PCDHA3: variants seen among roughly 807,000 people sequenced by gnomAD.
The protein encoded by PCDHA3 is protocadherin alpha 3, also known as protocadherin alpha-3.
In PCDHA3, 41 loss-of-function variants were observed where a neutral mutation model predicts 62.2. The ratio of observed to expected loss-of-function variants is 0.66; its 90% CI spans 0.51 to 0.86. PCDHA3 has a LOEUF of 0.86. Ranked by LOEUF, PCDHA3 falls within the 40% of genes least tolerant of loss-of-function variation. The pLI is 0.00. For synonymous variants in PCDHA3, 640 were observed against 555.4 expected, an observed-to-expected ratio of 1.15 and a Z score of -2.14; for missense variants, 1,304 against 1,241.2, an observed-to-expected ratio of 1.05 and a Z score of -0.76.
At chr5:140,877,205 GCGAGTTGGTACCGCGGT>G in intron 1 of PCDHA3, 1 of 1,613,826 alleles carries the variant, frequency 6.2e-7, no homozygotes, top group Non-Finnish European at 8.5e-7. Flanking sequence ...GGCGCAGTTA[GCGAGTTGGTACCGCGGT>G]CGGTGGGTGC....
At chr5:140,993,460 T>TCCCACACA (rs1554253699) in intron 3 of PCDHA3, among the ~76,000 whole-genome samples, 2 of 104,506 alleles carry the variant, frequency 1.9e-5, no homozygotes, top group African/African-American at 7.8e-5. Flanking sequence ...CTTCTTTCTT[T>TCCCACACA]CTCACACACA....
Position 140,836,428 on chromosome 5 carries a change from C to T in PCDHA3, c.2394+32837C>T, listed in dbSNP as rs2150260814. ...CAGGCACCAAAGGCGTCGTCGCGGG[C>T]ATCGTTGGGCATTGCAGGCCCAGAG... On this transcript the variant is annotated intron_variant, in intron 1 of 3. Transcript: ENST00000522353. 1.5e-5 allele frequency: 24 copies of T among 1,613,854 alleles called. No individual in the cohort carries two copies. Among genetic ancestry groups the T allele is most frequent in the Non-Finnish European group, 1.9e-5 (22 of 1,179,866 alleles).
intron 1 of PCDHA3, chr5:140,877,047 C>A (rs372059660): frequency 3.3e-5 from 53 of 1,612,564 alleles, no homozygotes; most frequent in Non-Finnish European, 4.3e-5. Flanking sequence ...CGCTAGACCA[C>A]GAGGAGCTGG....
chr5:140,866,964 C>T (rs1197921114), intron 1 of PCDHA3: 1 of 152,102 alleles, frequency 6.6e-6, no homozygotes, highest in East Asian at 1.9e-4. Flanking sequence ...GAGATGGTGA[C>T]ATCTGAAATA....
At chr5:140,875,271 C>A (rs1256076154) in intron 1 of PCDHA3, 2 of 1,256,362 alleles carry the variant, frequency 1.6e-6, no homozygotes, top group Non-Finnish European at 2.1e-6. Flanking sequence ...GCTCTACACT[C>A]AGAAGGTGAA....
At position 140,802,557 on chromosome 5, in the gene PCDHA3, G is replaced by T. The variant is rs782054123; in HGVS notation, c.1360G>T (p.Ala454Ser). 1 of 1,614,172 alleles carries T rather than the reference G, an allele frequency of 6.2e-7. No homozygotes were observed. The highest frequency in any genetic ancestry group is 8.5e-7 in the Non-Finnish European group (1 of 1,180,042). Residue 454 changes from alanine (A) to serine (S), a missense_variant, in exon 1 of 4, where the codon GCA (alanine) becomes TCA (serine). Ala to Ser is a moderately conservative substitution (Grantham distance 99). Coordinates refer to ENST00000522353, the MANE Select transcript of PCDHA3 (RefSeq NM_018906.3). Reference protein sequence around the residue: ...EVADVNDNAPAFSQSEYTVFV... With the variant: ...EVADVNDNAPSFSQSEYTVFV... The stretch of plus-strand genomic sequence containing the variant: ...GGCCGACGTGAACGACAATGCGCCG[G>T]CATTCTCGCAGTCCGAGTACACGGT...
chr5:140,909,996 T>G (rs549464312), intron 1 of PCDHA3, among the ~76,000 whole-genome samples: 5 of 152,310 alleles, frequency 3.3e-5, no homozygotes, highest in African/African-American at 1.2e-4. Context: ...ACAGCATAAA[T>G]TGTTGTCAGT....
intron 1 of PCDHA3, among the ~76,000 whole-genome samples, chr5:140,879,793 C>T (rs1417873343): frequency 2.0e-5 from 3 of 152,192 alleles, no homozygotes; most frequent in Admixed American, 6.5e-5. Flanking sequence ...GTTTTTGTTT[C>T]TTCCAGTTTC....
At chr5:140,842,314 G>A (rs1777869139) in intron 1 of PCDHA3, 6 of 1,607,200 alleles carry the variant, frequency 3.7e-6, no homozygotes, top group Non-Finnish European at 5.1e-6. Flanking sequence ...CTCCCATGGC[G>A]GGTCATTGCA....
intron 1 of PCDHA3, among the ~76,000 whole-genome samples, chr5:140,879,972 C>T (rs1005756157): frequency 6.6e-6 from 1 of 152,176 alleles, no homozygotes; most frequent in Non-Finnish European, 1.5e-5. Context: ...AGGATAAACT[C>T]CTTTCAAGAT....
At position 140,854,813 on chromosome 5, in the gene PCDHA3, C is replaced by T. The variant is rs957346497; in HGVS notation, c.2394+51222C>T. 2.0e-5 allele frequency: 3 copies of T among 149,256 alleles called. 1 individual carries two copies. Among genetic ancestry groups the T allele is most frequent in the Admixed American group, 6.7e-5 (1 of 14,824 alleles). The allele number at this position is 149,256 out of a possible 1,614,324, so 9.2% of individuals were successfully genotyped here. On this transcript the variant is annotated intron_variant, in intron 1 of 3. Coordinates refer to ENST00000522353, the MANE Select transcript of PCDHA3 (RefSeq NM_018906.3). ...GAGAGAGAAAAAAATATTTTTACTGCAAGTGGTGATGAAAAACTTCACTGA... is the reference window on the plus strand; with the variant it reads ...GAGAGAGAAAAAAATATTTTTACTGTAAGTGGTGATGAAAAACTTCACTGA...
At chr5:140,959,712 T>G (rs166567) in intron 1 of PCDHA3, among the ~76,000 whole-genome samples, 1 of 152,020 alleles carries the variant, frequency 6.6e-6, no homozygotes, top group African/African-American at 2.4e-5. Flanking sequence ...AAAGGGAAAA[T>G]TTTTAGATAA....
At chr5:140,827,788 C>T (rs2150149123) in intron 1 of PCDHA3, among the ~76,000 whole-genome samples, 76 of 152,218 alleles carry the variant, frequency 5.0e-4, no homozygotes, top group Admixed American at 1.5e-3. Flanking sequence ...TAACACTGAC[C>T]GTGCAAATTA....
intron 1 of PCDHA3, among the ~76,000 whole-genome samples, chr5:140,925,376 A>G (rs1010003214): frequency 2.0e-5 from 3 of 152,150 alleles, no homozygotes; most frequent in Non-Finnish European, 2.9e-5. Context: ...TCAATAGTCA[A>G]TGAGTCTCCT....
intron 2 of PCDHA3, among the ~76,000 whole-genome samples, chr5:140,980,472 A>G (rs782408123): frequency 6.6e-6 from 1 of 152,210 alleles, no homozygotes; most frequent in Non-Finnish European, 1.5e-5. Context: ...TCTACTAAAA[A>G]TACAAAAATT....
chr5:140,834,426 C>A (rs2150217585), intron 1 of PCDHA3: 9 of 1,613,556 alleles, frequency 5.6e-6, no homozygotes, highest in Non-Finnish European at 7.6e-6. Context: ...CCGACATCTA[C>A]TGCTGTTTAT....
chr5:140,850,730 G>A lies in PCDHA3; in HGVS notation c.2394+47139G>A, dbSNP rs1439103901. The A allele has an allele frequency of 7.5e-6, 12 of 1,597,860 alleles. 2 individuals carry two copies. Among genetic ancestry groups the A allele is most frequent in the African/African-American group, 4.0e-5 (3 of 74,192 alleles). On this transcript the variant is annotated intron_variant, in intron 1 of 3. Transcript: ENST00000522353. The stretch of plus-strand genomic sequence containing the variant: ...CGACGCTGGTGTGTTCTAGCGCGGT[G>A]GGGAGTTGGTCGTACTCGCAGCAGA...
chr5:140,997,713 T>C (rs2097782364), intron 3 of PCDHA3, among the ~76,000 whole-genome samples: 1 of 151,942 alleles, frequency 6.6e-6, no homozygotes, highest in African/African-American at 2.4e-5. Flanking sequence ...AACAAACACC[T>C]TTCTACGTCA....
At chr5:140,894,223 T>C (rs2064371572) in intron 1 of PCDHA3, among the ~76,000 whole-genome samples, 1 of 152,124 alleles carries the variant, frequency 6.6e-6, no homozygotes. Context: ...ATTTTAAAGA[T>C]GTTGAATGAC....
Sources: allele counts gnomAD v4.1 joint callset (sites outside exome capture counted in the v4.1 genomes callset), GRCh38; gene constraint gnomAD v4.1.1; transcripts MANE v1.5; gene names NCBI Gene and HGNC (gene_info 2026-07-23, HGNC 2026-07-21).